The following CLIC5 variants were observed in gnomAD, a reference collection of about 807,000 sequenced individuals.
The protein encoded by CLIC5 is CLIC family member 5.
A neutral mutation model predicts 24.7 loss-of-function variants in CLIC5; 20 were observed. The ratio of observed to expected loss-of-function variants is 0.81; its 90% CI spans 0.57 to 1.18. CLIC5 has a LOEUF of 1.18. CLIC5 is among the 50% of genes most tolerant of loss of function. The pLI is 0.00. For synonymous variants in CLIC5, 159 were observed against 135.6 expected (o/e 1.17, Z -1.20); for missense variants, 341 against 326.1 (o/e 1.05, Z -0.35).
chr6:46,093,041 G>C, the CLIC5 span, among the ~76,000 whole-genome samples: 1 of 151,868 alleles, frequency 6.6e-6, no homozygotes, highest in African/African-American at 2.4e-5. Flanking sequence ...TAAGCTTTTC[G>C]CAGTACAGCT....
intron 1 of CLIC5, among the ~76,000 whole-genome samples, chr6:46,044,640 A>G (rs900782145): frequency 6.6e-6 from 1 of 152,162 alleles, no homozygotes; most frequent in Non-Finnish European, 1.5e-5. Flanking sequence ...TCTTGGGGTG[A>G]GCCTGGATGA....
At chr6:45,933,885 C>T (rs971807952) in intron 4 of CLIC5, among the ~76,000 whole-genome samples, 2 of 152,014 alleles carry the variant, frequency 1.3e-5, no homozygotes, top group African/African-American at 2.4e-5. Context: ...ATTGTGAGAT[C>T]GGGAGGAGCA....
In CLIC5 at chr6:45,955,187, T is replaced by A. The variant is rs757347492; in HGVS notation, c.121A>T (p.Ile41Phe). The change falls in exon 2 of 6, where the codon ATC becomes TTC. Residue 41 changes from isoleucine (I) to phenylalanine (F), a missense_variant. By Grantham distance (21) the Ile-to-Phe change is conservative. Transcript: ENST00000339561. ...AACACGACTCCTTTCAGCCAGAGGA[T>A]CATGAAGAGGCGCTGAGAGAAAGGA... ...NCPFSQRLFM[I>F]LWLKGVVFNV... is the part of the protein sequence containing the mutation. The A allele has an allele frequency of 6.3e-5, 101 of 1,613,958 alleles. No individual in the cohort carries two copies. The highest frequency in any genetic ancestry group is 7.9e-5 in the Non-Finnish European group (93 of 1,179,956).
the CLIC5 span, among the ~76,000 whole-genome samples, chr6:46,089,334 G>A: frequency 6.6e-6 from 1 of 151,966 alleles, no homozygotes; most frequent in African/African-American, 2.4e-5. Context: ...GCTTATGCAG[G>A]TGACCTTGGG....
chr6:46,047,194 C>T (rs1298387013), intron 1 of CLIC5, among the ~76,000 whole-genome samples: 1 of 152,164 alleles, frequency 6.6e-6, no homozygotes, highest in African/African-American at 2.4e-5. Context: ...GGGTACTTCA[C>T]TAAGTGGGAA....
At chr6:45,960,286 A>G (rs1019756898) in intron 1 of CLIC5, among the ~76,000 whole-genome samples, 1 of 152,244 alleles carries the variant, frequency 6.6e-6, no homozygotes, top group Non-Finnish European at 1.5e-5. Flanking sequence ...AAGGAATTAT[A>G]GAAAGTGACC....
intron 1 of CLIC5, among the ~76,000 whole-genome samples, chr6:46,046,087 G>C (rs1196460064): frequency 6.6e-6 from 1 of 152,180 alleles, no homozygotes; most frequent in Admixed American, 6.5e-5. Context: ...TTCTCCAGTA[G>C]GACTTTGGTG....
chr6:46,021,109 A>C (rs1466245598), intron 1 of CLIC5, among the ~76,000 whole-genome samples: 1 of 147,588 alleles, frequency 6.8e-6, no homozygotes, highest in African/African-American at 2.5e-5. Flanking sequence ...AAAAAAAAAA[A>C]CCCAGCTAAA....
chr6:45,935,839 G>A (rs1264424349), intron 4 of CLIC5, among the ~76,000 whole-genome samples: 1 of 152,120 alleles, frequency 6.6e-6, no homozygotes, highest in Non-Finnish European at 1.5e-5. Flanking sequence ...GACAGAAAAG[G>A]ATATCCAAGA....
In CLIC5 at chr6:45,902,925, C is replaced by T; in HGVS notation, c.*163G>A. ...TGAGGAGGCCAGGGATGGTGCTGAC[C>T]TTCATGAAAGATAGCAGGCTGGAGT... On this transcript the variant is annotated 3_prime_UTR_variant, in exon 6 of 6. Transcript: ENST00000339561. The T allele has an allele frequency of 1.4e-6, 1 of 723,854 alleles. No individual in the cohort carries two copies. Among genetic ancestry groups the T allele is most frequent in the Non-Finnish European group, 2.3e-6 (1 of 435,080 alleles). 44.8% of individuals were successfully genotyped at this position (723,854 alleles called of 1,614,324 possible). A position where few individuals can be genotyped will look rare whatever the true frequency, so the allele number is the denominator to read the frequency against.
At chr6:46,016,063 T>A (rs1441355585), upstream of CLIC5, among the ~76,000 whole-genome samples, 1 of 148,928 alleles carries the variant, frequency 6.7e-6, no homozygotes, top group Admixed American at 6.7e-5. Flanking sequence ...TGGGGGCGGA[T>A]AATGAGGCGA....
At chr6:46,011,854 A>G (rs1228009951) in intron 1 of CLIC5, among the ~76,000 whole-genome samples, 2 of 152,162 alleles carry the variant, frequency 1.3e-5, no homozygotes, top group South Asian at 2.1e-4. Flanking sequence ...GCTACATATT[A>G]TCTCATTTAC....
At chr6:46,104,509 G>A in the CLIC5 span, among the ~76,000 whole-genome samples, 1 of 151,670 alleles carries the variant, frequency 6.6e-6, no homozygotes, top group Non-Finnish European at 1.5e-5. Flanking sequence ...AGAGTGTTTC[G>A]CTATCTGAGA....
intron 1 of CLIC5, among the ~76,000 whole-genome samples, chr6:46,072,978 A>G (rs1762657282): frequency 6.6e-6 from 1 of 152,322 alleles, no homozygotes; most frequent in African/African-American, 2.4e-5. Context: ...ATGCCGATAT[A>G]AAGAAAAATC....
At chr6:45,911,947 G>A (rs187540533) in intron 5 of CLIC5, 517 of 985,558 alleles carry the variant, frequency 5.2e-4, no homozygotes, top group Admixed American at 1.2e-3. Context: ...CTCTCATGGA[G>A]AGCCTGGGCC....
intron 1 of CLIC5, 48 bp from the exon 2 acceptor site, chr6:45,955,292 A>G: frequency 7.3e-7 from 1 of 1,377,750 alleles, no homozygotes. Flanking sequence ...GCAATTAGCA[A>G]GGGGAACATA....
intron 4 of CLIC5, among the ~76,000 whole-genome samples, chr6:45,935,237 A>G (rs1763887099): frequency 3.3e-5 from 5 of 152,174 alleles, no homozygotes; most frequent in Admixed American, 3.3e-4. Flanking sequence ...TGTCAAAGAA[A>G]CCCCTTTAGG....
intron 1 of CLIC5, among the ~76,000 whole-genome samples, chr6:46,047,027 C>T (rs1413865739): frequency 6.6e-6 from 1 of 152,170 alleles, no homozygotes; most frequent in Non-Finnish European, 1.5e-5. Context: ...CAGAAAGGGA[C>T]CTACCGTAGT....
intron 1 of CLIC5, among the ~76,000 whole-genome samples, chr6:46,047,452 T>C (rs1286852558): frequency 6.6e-6 from 1 of 151,904 alleles, no homozygotes; most frequent in Non-Finnish European, 1.5e-5. Context: ...ATTTGAAAGA[T>C]ATAGAGCTAG....
Sources: gnomAD v4.1 joint callset for allele counts (sites outside exome capture counted in the v4.1 genomes callset) on GRCh38, gnomAD v4.1.1 for gene constraint, MANE v1.5 for transcripts, NCBI Gene and HGNC (gene_info 2026-07-23, HGNC 2026-07-21) for gene names.